The following ASTN1 variants were observed in gnomAD, a reference collection of about 807,000 sequenced individuals.
The protein encoded by ASTN1 is astrotactin-1.
Under a neutral mutation model 140.7 loss-of-function variants are expected in ASTN1, and 41 were observed. That is an observed-to-expected ratio of 0.29 (90% CI 0.23 to 0.38). The LOEUF (loss-of-function observed/expected upper bound fraction) is 0.38. Among genes scored for constraint, ASTN1 ranks in the 10% least tolerant of loss-of-function variants. The pLI is 1.00. For synonymous variants in ASTN1, 640 were observed against 652.2 expected (o/e 0.98, Z 0.29); for missense variants, 1,479 against 1,678.8 (o/e 0.88, Z 2.08).
At chr1:177,116,913 C>T (rs1014257548) in intron 1 of ASTN1, among the ~76,000 whole-genome samples, 9 of 152,104 alleles carry the variant, frequency 5.9e-5, no homozygotes, top group Non-Finnish European at 8.8e-5. Context: ...TCCACTCCTC[C>T]CCAGGGGACC....
chr1:177,101,246 A>T (rs914648996), intron 1 of ASTN1, among the ~76,000 whole-genome samples: 1 of 152,234 alleles, frequency 6.6e-6, no homozygotes, highest in East Asian at 1.9e-4. Context: ...GTCAAAAGAC[A>T]TGCATAAGAA....
rs74127289 is a variant in ASTN1 at position 177,045,470 on chromosome 1, C to G, written c.472-12621G>C. 7.5e-3 allele frequency among the ~76,000 whole-genome samples: 1,145 copies of G among 152,314 alleles called. 13 individuals are homozygous for G. The highest frequency in any genetic ancestry group is 0.025 in the African/African-American group (1,051 of 41,566). ...AGACCTCCATCTGAAAATCCCTCTT[C>G]CTTCTTTTCTGCTGGCTCCTAGATA... On this transcript the variant is annotated intron_variant, in intron 2 of 22. Coordinates refer to ENST00000361833, the MANE Select transcript of ASTN1 (RefSeq NM_004319.3).
At chr1:177,114,002 T>C (rs1680953424) in intron 1 of ASTN1, among the ~76,000 whole-genome samples, 1 of 152,128 alleles carries the variant, frequency 6.6e-6, no homozygotes, top group Non-Finnish European at 1.5e-5. Context: ...ATGAAAGAAA[T>C]GATGACTGGG....
chr1:177,142,000 T>G (rs958487314), intron 1 of ASTN1, among the ~76,000 whole-genome samples: 1 of 152,168 alleles, frequency 6.6e-6, no homozygotes, highest in Non-Finnish European at 1.5e-5. Context: ...AATGAATAAA[T>G]GGCCCAATTT....
chr1:176,890,469 A>G (rs1669214945), intron 17 of ASTN1, among the ~76,000 whole-genome samples: 1 of 152,148 alleles, frequency 6.6e-6, no homozygotes, highest in African/African-American at 2.4e-5. Flanking sequence ...CTGTCTGTAA[A>G]AGACAGCCTG....
chr1:177,098,874 C>A (rs1295751210), intron 1 of ASTN1, among the ~76,000 whole-genome samples: 1 of 152,116 alleles, frequency 6.6e-6, no homozygotes, highest in Admixed American at 6.6e-5. Context: ...TCTTCAATAA[C>A]CCCATCTGTG....
At chr1:176,977,134 T>C (rs545801526) in intron 8 of ASTN1, among the ~76,000 whole-genome samples, 1 of 152,216 alleles carries the variant, frequency 6.6e-6, no homozygotes, top group Admixed American at 6.5e-5. Flanking sequence ...TCAGGAAAAA[T>C]TGACAAAATA....
chr1:176,875,559 T>A (rs1668526333), intron 21 of ASTN1, among the ~76,000 whole-genome samples: 2 of 152,158 alleles, frequency 1.3e-5, no homozygotes, highest in African/African-American at 4.8e-5. Context: ...AGGTCACTCT[T>A]TCCCCTGTGA....
intron 1 of ASTN1, among the ~76,000 whole-genome samples, chr1:177,078,229 G>C (rs557948187): frequency 4.6e-5 from 7 of 152,294 alleles, no homozygotes; most frequent in African/African-American, 1.2e-4. Flanking sequence ...CAGAGCCCCA[G>C]CTGTCCTGGA....
At chr1:177,118,072 T>C (rs1237538309) in intron 1 of ASTN1, among the ~76,000 whole-genome samples, 1 of 152,240 alleles carries the variant, frequency 6.6e-6, no homozygotes, top group Non-Finnish European at 1.5e-5. Context: ...TTTATACATC[T>C]GTACCCTCCC....
At chr1:177,160,256 C>T (rs1032912548) in intron 1 of ASTN1, among the ~76,000 whole-genome samples, 1 of 152,224 alleles carries the variant, frequency 6.6e-6, no homozygotes, top group Admixed American at 6.5e-5. Flanking sequence ...CTCCCCCATT[C>T]TTCTGTTTTC....
chr1:176,977,042 G>C (rs1673396789), intron 8 of ASTN1: 1 of 152,334 alleles, frequency 6.6e-6, no homozygotes, highest in African/African-American at 2.4e-5. Flanking sequence ...AGAATGAACA[G>C]TACTAGCACA....
rs780341371 is a variant in ASTN1, at chr1:177,164,532, G to A, written c.145C>T (p.Arg49Cys). ...TGCATGATGCTCAGGTCGTTCTCGC[G>A]CAGGAAGGGCAGTGCCGACACCGTG... is the stretch of plus-strand genomic sequence containing the variant. Reference protein sequence around the residue: ...SITVSALPFLRENDLSIMHSP... With the variant: ...SITVSALPFLCENDLSIMHSP... Residue 49 changes from arginine to cysteine, a missense_variant, in exon 1 of 23, where the codon CGC (arginine) becomes TGC (cysteine). By Grantham distance (180) the Arg-to-Cys change is radical. This residue lies in a region of ASTN1 where 729 missense variants were observed against 860.4 expected (regional missense o/e 0.85). Transcript: ENST00000361833. The A allele has an allele frequency of 3.7e-6, 6 of 1,613,804 alleles. No individual in the cohort carries two copies. Among genetic ancestry groups the A allele is most frequent in the Non-Finnish European group, 5.1e-6 (6 of 1,179,950 alleles).
chr1:177,156,105 A>C (rs2102256958), intron 1 of ASTN1, among the ~76,000 whole-genome samples: 1 of 152,160 alleles, frequency 6.6e-6, no homozygotes, highest in Non-Finnish European at 1.5e-5. Context: ...CTCCGTCTCT[A>C]CTAAAAATAC....
At chr1:177,155,231 G>T (rs1348994747) in intron 1 of ASTN1, among the ~76,000 whole-genome samples, 1 of 152,186 alleles carries the variant, frequency 6.6e-6, no homozygotes, top group African/African-American at 2.4e-5. Flanking sequence ...AATAGATGAA[G>T]GGTAGGAGAT....
chr1:176,899,573 C>A (rs1235651139), intron 16 of ASTN1, among the ~76,000 whole-genome samples: 1 of 152,166 alleles, frequency 6.6e-6, no homozygotes, highest in Admixed American at 6.5e-5. Flanking sequence ...CTAATCAAAT[C>A]CCAGCTTTTG....
intron 1 of ASTN1, among the ~76,000 whole-genome samples, chr1:177,103,284 G>GGGACTGAATA (rs1680387416): frequency 6.6e-6 from 1 of 152,116 alleles, no homozygotes; most frequent in African/African-American, 2.4e-5. Flanking sequence ...GTTATATTTG[G>GGGACTGAATA]GGACTGAATA....
At chr1:177,103,925 A>G (rs1009114525) in intron 1 of ASTN1, among the ~76,000 whole-genome samples, 30 of 152,108 alleles carry the variant, frequency 2.0e-4, no homozygotes, top group African/African-American at 7.0e-4. Context: ...TACAGTGTAT[A>G]CTAGCTCTGA....
intron 9 of ASTN1, among the ~76,000 whole-genome samples, chr1:176,964,495 T>C (rs1672791504): frequency 6.6e-6 from 1 of 152,194 alleles, no homozygotes; most frequent in Non-Finnish European, 1.5e-5. Context: ...TAAGGCCTAA[T>C]ATGAATTAAA....
Sources: gnomAD v4.1 joint callset for allele counts (sites outside exome capture counted in the v4.1 genomes callset) on GRCh38, gnomAD v4.1.1 for gene constraint, gnomAD v4.1.1 regional missense constraint, MANE v1.5 for transcripts, NCBI Gene and HGNC (gene_info 2026-07-23, HGNC 2026-07-21) for gene names.